PIGK: variants seen among roughly 807,000 people sequenced by gnomAD.
PIGK encodes the protein phosphatidylinositol glycan anchor biosynthesis class K, also known as GPI-anchor transamidase.
PIGK carries 42 observed loss-of-function variants against 50.6 expected under a neutral mutation model. That is an observed-to-expected ratio of 0.83 (90% CI 0.65 to 1.07). PIGK has a LOEUF of 1.07. Among genes scored for constraint, PIGK ranks in the 50% least tolerant of loss-of-function variants. The pLI is 0.00. For synonymous variants in PIGK, 151 were observed against 156.0 expected, an observed-to-expected ratio of 0.97 and a Z score of 0.24; for missense variants, 448 against 488.7, an observed-to-expected ratio of 0.92 and a Z score of 0.78.
chr1:77,147,497 C>A (rs1319623248), intron 9 of PIGK, among the ~76,000 whole-genome samples: 1 of 152,112 alleles, frequency 6.6e-6, no homozygotes, highest in African/African-American at 2.4e-5. Context: ...TTAGGTAATT[C>A]TATAGAATTT....
At chr1:77,104,979 C>T (rs968198280) in intron 10 of PIGK, among the ~76,000 whole-genome samples, 1 of 152,134 alleles carries the variant, frequency 6.6e-6, no homozygotes, top group Non-Finnish European at 1.5e-5. Flanking sequence ...CCTCTACTAG[C>T]GAGGGTAAAA....
intron 2 of PIGK, among the ~76,000 whole-genome samples, chr1:77,207,085 T>G (rs1656305365): frequency 6.6e-6 from 1 of 152,060 alleles, no homozygotes; most frequent in Non-Finnish European, 1.5e-5. Context: ...GAGAATCGCT[T>G]AAACCTGGGA....
chr1:77,160,347 T>G (rs1557809824), intron 8 of PIGK, among the ~76,000 whole-genome samples: 1 of 152,166 alleles, frequency 6.6e-6, no homozygotes. Flanking sequence ...AATACAGTAG[T>G]TCTATCAAAT....
chr1:77,145,874 A>G (rs1367210957), intron 9 of PIGK, among the ~76,000 whole-genome samples: 1 of 152,174 alleles, frequency 6.6e-6, no homozygotes, highest in Non-Finnish European at 1.5e-5. Flanking sequence ...AATAAAGTCC[A>G]GAAATAGACC....
At chr1:77,112,432 C>T (rs941505502) in intron 10 of PIGK, among the ~76,000 whole-genome samples, 2 of 151,942 alleles carry the variant, frequency 1.3e-5, no homozygotes, top group African/African-American at 4.8e-5. Flanking sequence ...GAGAAGAGAT[C>T]CCCCGTTACC....
intron 9 of PIGK, among the ~76,000 whole-genome samples, chr1:77,143,909 C>T (rs1303274211): frequency 1.3e-5 from 2 of 152,026 alleles, no homozygotes; most frequent in Non-Finnish European, 2.9e-5. Flanking sequence ...CTCAATAATA[C>T]TTAACACTTA....
chr1:77,194,430 A>T (rs755531321), intron 3 of PIGK, among the ~76,000 whole-genome samples: 22 of 152,238 alleles, frequency 1.4e-4, no homozygotes, highest in Non-Finnish European at 2.8e-4. Context: ...AATGTAGTAC[A>T]TAACACCATG....
At chr1:77,200,522 A>C (rs1656138975) in intron 3 of PIGK, among the ~76,000 whole-genome samples, 1 of 152,140 alleles carries the variant, frequency 6.6e-6, no homozygotes, top group Non-Finnish European at 1.5e-5. Flanking sequence ...TGTCATAAGA[A>C]TAAAATGAGA....
intron 9 of PIGK, among the ~76,000 whole-genome samples, chr1:77,128,174 T>C (rs1232493975): frequency 2.0e-5 from 3 of 152,190 alleles, no homozygotes; most frequent in African/African-American, 7.2e-5. Flanking sequence ...GCATCACTAT[T>C]TTTCTAATTA....
Position 77,154,567 on chromosome 1 carries a change from G to T in PIGK, c.868C>A (p.Leu290Ile), listed in dbSNP as rs367851700. 1.4e-4 allele frequency: 229 copies of T among 1,612,530 alleles called. No homozygotes were observed. The highest frequency in any genetic ancestry group is 1.8e-4 in the Non-Finnish European group (217 of 1,178,882). ...ACATTTTTAGGATCCCTCTGAAAAAGATCAGTGCGATGTCCAGGAGTAGAC... is the reference window on the plus strand; with the variant it reads ...ACATTTTTAGGATCCCTCTGAAAAATATCAGTGCGATGTCCAGGAGTAGAC... Reference protein sequence around the residue: ...CVSTPGHRTDLFQRDPKNVLI... With the variant: ...CVSTPGHRTDIFQRDPKNVLI... The change falls in exon 9 of 11, where the codon CTT becomes ATT. Residue 290 changes from leucine to isoleucine, a missense_variant. Coordinates refer to ENST00000370812, the MANE Select transcript of PIGK (RefSeq NM_005482.3).
intron 9 of PIGK, among the ~76,000 whole-genome samples, chr1:77,138,770 T>C (rs1461990863): frequency 6.6e-6 from 1 of 152,200 alleles, no homozygotes; most frequent in African/African-American, 2.4e-5. Flanking sequence ...GGAACCTCAA[T>C]TGAGAATGAT....
At chr1:77,181,237 T>A (rs1655607352) in intron 3 of PIGK, among the ~76,000 whole-genome samples, 1 of 152,144 alleles carries the variant, frequency 6.6e-6, no homozygotes, top group Non-Finnish European at 1.5e-5. Flanking sequence ...TCAGGGCTGC[T>A]AGGCCATTCT....
intron 4 of PIGK, 79 bp from the exon 5 acceptor site, chr1:77,166,909 T>C: frequency 2.7e-6 from 2 of 728,652 alleles, no homozygotes; most frequent in Admixed American, 2.7e-5. Context: ...CTTTCAAAAA[T>C]GTTCATTGTT....
chr1:77,209,055 C>T (rs1656356609), intron 2 of PIGK, among the ~76,000 whole-genome samples: 1 of 152,240 alleles, frequency 6.6e-6, no homozygotes, highest in East Asian at 1.9e-4. Context: ...TTCCAACATG[C>T]ATTACTGGCT....
intron 3 of PIGK, among the ~76,000 whole-genome samples, chr1:77,196,829 C>A (rs536977143): frequency 6.6e-6 from 1 of 152,232 alleles, no homozygotes; most frequent in Non-Finnish European, 1.5e-5. Flanking sequence ...TAATTAGGTA[C>A]AACCTGTCAA....
At chr1:77,203,071 A>T (rs546591528) in intron 3 of PIGK, among the ~76,000 whole-genome samples, 3 of 152,344 alleles carry the variant, frequency 2.0e-5, no homozygotes, top group African/African-American at 7.2e-5. Flanking sequence ...GGCTCTAATC[A>T]TAAGTAAACC....
chr1:77,206,938 G>A (rs528977708), intron 2 of PIGK, among the ~76,000 whole-genome samples: 1 of 152,278 alleles, frequency 6.6e-6, no homozygotes. Context: ...AAGCCCAGGC[G>A]GGAAGATCAC....
chr1:77,100,842 AACTG>A (rs1239399348), intron 10 of PIGK, among the ~76,000 whole-genome samples: 1 of 152,180 alleles, frequency 6.6e-6, no homozygotes, highest in Admixed American at 6.5e-5. Flanking sequence ...CAGCCTTTAC[AACTG>A]ACTGACACCC....
chr1:77,122,324 T>A lies in PIGK; in HGVS notation c.1022A>T (p.Glu341Val), dbSNP rs999164506. The A allele has an allele frequency of 5.0e-6, 8 of 1,606,494 alleles. No homozygotes were observed. Among genetic ancestry groups the A allele is most frequent in the Non-Finnish European group, 6.8e-6 (8 of 1,173,516 alleles). ...AAGTTGTTCAGCATATTTCAGAGGT[T>A]CCATTAGTTTCTCATCCATCTGGTC... ...KEDQMDEKLM[E>V]PLKYAEQLPV... is the part of the protein sequence containing the mutation. The change falls in exon 10 of 11, where the codon GAA becomes GTA. Residue 341 changes from glutamate (E) to valine (V), a missense_variant. Physicochemically the swap from Glu to Val is moderately radical, Grantham distance 121. Transcript: ENST00000370812.
Sources: allele counts gnomAD v4.1 joint callset (sites outside exome capture counted in the v4.1 genomes callset), GRCh38; gene constraint gnomAD v4.1.1; transcripts MANE v1.5; gene names NCBI Gene and HGNC (gene_info 2026-07-23, HGNC 2026-07-21).